The following CMTM8 variants were observed in gnomAD, a reference collection of about 807,000 sequenced individuals.
The protein encoded by CMTM8 is CKLF like MARVEL transmembrane domain containing 8.
In CMTM8, 12 loss-of-function variants were observed where a neutral mutation model predicts 18.6. The observed-to-expected ratio is 0.65, with a 90% CI of 0.41 to 1.05. The LOEUF is 1.05. Among genes scored for constraint, CMTM8 ranks in the 50% least tolerant of loss-of-function variants. CMTM8 has a pLI of 0.00. For synonymous variants in CMTM8, 87 were observed against 90.6 expected (o/e 0.96, Z 0.23); for missense variants, 217 against 227.2 (o/e 0.95, Z 0.29).
At chr3:32,312,930 C>A (rs77292474) in intron 1 of CMTM8, among the ~76,000 whole-genome samples, 3,773 of 151,944 alleles carry the variant, frequency 0.025, 162 homozygotes, top group African/African-American at 0.087. Context: ...GGACAAAAGA[C>A]CAAATCTTAT....
At chr3:32,319,079 T>A (rs1363810933) in intron 1 of CMTM8, among the ~76,000 whole-genome samples, 25 of 104,414 alleles carry the variant, frequency 2.4e-4, no homozygotes, top group African/African-American at 7.0e-4. Context: ...TATATATTTT[T>A]TTTTTTTTTT....
At chr3:32,251,189 C>T (rs1256228154) in intron 1 of CMTM8, among the ~76,000 whole-genome samples, 1 of 152,062 alleles carries the variant, frequency 6.6e-6, no homozygotes, top group Non-Finnish European at 1.5e-5. Flanking sequence ...AGAGAGAACA[C>T]CAGCTATAAA....
chr3:32,268,287 C>G (rs947742485), intron 1 of CMTM8, among the ~76,000 whole-genome samples: 2 of 152,152 alleles, frequency 1.3e-5, no homozygotes, highest in African/African-American at 4.8e-5. Context: ...AGTTCATGTC[C>G]TTTGCAGGGA....
intron 1 of CMTM8, among the ~76,000 whole-genome samples, chr3:32,311,530 C>T (rs79939979): frequency 0.08 from 12,126 of 152,280 alleles, 765 homozygotes; most frequent in East Asian, 0.35. Context: ...CCTTTGTGGA[C>T]CCTTGTGACT....
At chr3:32,361,230 C>T (rs1209888652) in intron 2 of CMTM8, among the ~76,000 whole-genome samples, 1 of 146,572 alleles carries the variant, frequency 6.8e-6, no homozygotes, top group Admixed American at 7.0e-5. Context: ...ATCCACCCGC[C>T]TCGGTCTCCC....
chr3:32,310,157 GGT>G (rs1030872939), intron 1 of CMTM8, among the ~76,000 whole-genome samples: 23 of 97,332 alleles, frequency 2.4e-4, no homozygotes, highest in African/African-American at 9.7e-4. Context: ...TTAAAATTGT[GGT>G]TTTTTTTTTC....
At chr3:32,316,173 G>A (rs559510051) in intron 1 of CMTM8, among the ~76,000 whole-genome samples, 21 of 151,636 alleles carry the variant, frequency 1.4e-4, no homozygotes, top group African/African-American at 4.4e-4. Context: ...GACTACAGGC[G>A]CCCGCCACCA....
At chr3:32,259,423 T>A in intron 1 of CMTM8, 1 of 858,300 alleles carries the variant, frequency 1.2e-6, no homozygotes. Flanking sequence ...TTGCTGCTGA[T>A]GACTTTAGAG....
chr3:32,244,345 A>G (rs980165011), intron 1 of CMTM8, among the ~76,000 whole-genome samples: 1 of 152,144 alleles, frequency 6.6e-6, no homozygotes, highest in Non-Finnish European at 1.5e-5. Context: ...ATGCACTGCC[A>G]ATTCTCAGCT....
At chr3:32,365,924 C>T (rs1412275716) in intron 2 of CMTM8, among the ~76,000 whole-genome samples, 1 of 152,176 alleles carries the variant, frequency 6.6e-6, no homozygotes, top group Non-Finnish European at 1.5e-5. Flanking sequence ...TTCTAGAACC[C>T]TCTGAAGCTT....
At chr3:32,315,040 C>T (rs549849554) in intron 1 of CMTM8, among the ~76,000 whole-genome samples, 2 of 152,154 alleles carry the variant, frequency 1.3e-5, no homozygotes, top group Non-Finnish European at 2.9e-5. Flanking sequence ...CCCAGTGAGC[C>T]TTTGGTCATT....
intron 1 of CMTM8, among the ~76,000 whole-genome samples, chr3:32,321,325 C>T (rs138687109): frequency 3.9e-5 from 6 of 152,222 alleles, no homozygotes; most frequent in East Asian, 1.9e-4. Flanking sequence ...GGGGCAGGAA[C>T]GCATTCACCC....
At chr3:32,340,183 G>T (rs1696466084) in intron 1 of CMTM8, among the ~76,000 whole-genome samples, 2 of 152,208 alleles carry the variant, frequency 1.3e-5, no homozygotes, top group South Asian at 4.1e-4. Context: ...GCAAGGCGTT[G>T]TAAGTGTAGG....
intron 1 of CMTM8, among the ~76,000 whole-genome samples, chr3:32,240,369 G>A (rs1355586298): frequency 6.6e-6 from 1 of 152,206 alleles, no homozygotes; most frequent in African/African-American, 2.4e-5. Context: ...AAAGCTGAAG[G>A]TATTGGAATC....
At chr3:32,292,429 G>A (rs1702796364) in intron 1 of CMTM8, among the ~76,000 whole-genome samples, 1 of 152,148 alleles carries the variant, frequency 6.6e-6, no homozygotes, top group Non-Finnish European at 1.5e-5. Flanking sequence ...TTGCAACTTT[G>A]TGTTTCTCTT....
At chr3:32,251,440 A>C (rs941783818) in intron 1 of CMTM8, among the ~76,000 whole-genome samples, 7 of 151,936 alleles carry the variant, frequency 4.6e-5, no homozygotes, top group South Asian at 2.1e-4. Flanking sequence ...CAGCCTCCCA[A>C]GTAACTGGGA....
chr3:32,274,196 G>A (rs929910161), intron 1 of CMTM8, among the ~76,000 whole-genome samples: 1 of 151,832 alleles, frequency 6.6e-6, no homozygotes, highest in African/African-American at 2.4e-5. Flanking sequence ...TGCGGTCCCA[G>A]CTACTTGGGA....
chr3:32,271,041 A>T (rs1702431918), intron 1 of CMTM8, among the ~76,000 whole-genome samples: 1 of 152,200 alleles, frequency 6.6e-6, no homozygotes, highest in African/African-American at 2.4e-5. Context: ...ACAGAAAAAA[A>T]AGTAAAAAAG....
At chr3:32,290,956 C>G (rs1272832814) in intron 1 of CMTM8, among the ~76,000 whole-genome samples, 2 of 152,148 alleles carry the variant, frequency 1.3e-5, no homozygotes, top group African/African-American at 4.8e-5. Context: ...CCATGTTGCC[C>G]AGGCTGGTCT....
Sources: allele counts gnomAD v4.1 joint callset (sites outside exome capture counted in the v4.1 genomes callset), GRCh38; gene constraint gnomAD v4.1.1; transcripts MANE v1.5; gene names NCBI Gene and HGNC (gene_info 2026-07-23, HGNC 2026-07-21).